The following TMOD3 variants were observed in gnomAD, a reference collection of about 807,000 sequenced individuals.
TMOD3 encodes the protein tropomodulin 3.
A neutral mutation model predicts 39.2 loss-of-function variants in TMOD3; 20 were observed. That is an observed-to-expected ratio of 0.51 (90% CI 0.36 to 0.74). The LOEUF is 0.74. TMOD3 is among the 30% of genes least tolerant of loss of function. The pLI is 0.00. For synonymous variants in TMOD3, 143 were observed against 145.8 expected (o/e 0.98, Z 0.14); for missense variants, 381 against 412.8 (o/e 0.92, Z 0.67).
chr15:51,889,581 C>T (rs1050217554), intron 5 of TMOD3, among the ~76,000 whole-genome samples: 5 of 152,138 alleles, frequency 3.3e-5, no homozygotes, highest in Admixed American at 1.3e-4. Context: ...TTCAGAAACT[C>T]ATTTATAGGG....
intron 1 of TMOD3, among the ~76,000 whole-genome samples, chr15:51,850,455 G>C (rs1206224071): frequency 2.6e-5 from 4 of 152,094 alleles, no homozygotes; most frequent in African/African-American, 9.7e-5. Context: ...TTTTATGATT[G>C]CTTCTATATT....
At chr15:51,834,279 A>C (rs571571458) in intron 1 of TMOD3, among the ~76,000 whole-genome samples, 1 of 152,016 alleles carries the variant, frequency 6.6e-6, no homozygotes, top group Admixed American at 6.6e-5. Flanking sequence ...AGAAATTTTT[A>C]ATTTTTATAA....
chr15:51,858,555 TGTTC>T (rs1358698318), intron 1 of TMOD3, among the ~76,000 whole-genome samples: 1 of 152,214 alleles, frequency 6.6e-6, no homozygotes, highest in African/African-American at 2.4e-5. Flanking sequence ...AAGCAAATTC[TGTTC>T]ATTTGCTTGT....
At chr15:51,871,230 G>T (rs1049228398) in intron 3 of TMOD3, among the ~76,000 whole-genome samples, 1 of 152,192 alleles carries the variant, frequency 6.6e-6, no homozygotes, top group African/African-American at 2.4e-5. Context: ...GCAGAGTTTT[G>T]AAGTGTGGAG....
intron 1 of TMOD3, among the ~76,000 whole-genome samples, chr15:51,835,506 A>G (rs2056278394): frequency 6.6e-6 from 1 of 152,242 alleles, no homozygotes; most frequent in Non-Finnish European, 1.5e-5. Flanking sequence ...ATGGAGTTTC[A>G]TCATGTTTCC....
At chr15:51,840,741 A>G (rs2056309180) in intron 1 of TMOD3, among the ~76,000 whole-genome samples, 2 of 152,184 alleles carry the variant, frequency 1.3e-5, no homozygotes, top group Admixed American at 1.3e-4. Context: ...ATTTTTTTGC[A>G]TCATTTATTG....
At chr15:51,845,784 G>C (rs1039404716) in intron 1 of TMOD3, among the ~76,000 whole-genome samples, 2 of 151,926 alleles carry the variant, frequency 1.3e-5, no homozygotes, top group Middle Eastern at 3.4e-3. Flanking sequence ...GTTTCCTCTG[G>C]GTTTTGTTTG....
At chr15:51,853,123 GAATTTT>G (rs1166642569) in intron 1 of TMOD3, among the ~76,000 whole-genome samples, 1 of 152,204 alleles carries the variant, frequency 6.6e-6, no homozygotes, top group African/African-American at 2.4e-5. Flanking sequence ...ATGAATAGCT[GAATTTT>G]AATTAGAAGA....
intron 1 of TMOD3, among the ~76,000 whole-genome samples, chr15:51,852,103 G>A (rs1329008452): frequency 6.6e-6 from 1 of 152,178 alleles, no homozygotes; most frequent in African/African-American, 2.4e-5. Context: ...AAATAGGGCA[G>A]GGAGCTTGTC....
intron 4 of TMOD3, 69 bp downstream of exon 4, chr15:51,887,780 T>C: frequency 6.4e-7 from 1 of 1,565,846 alleles, no homozygotes; most frequent in South Asian, 1.2e-5. Context: ...CACATACCTA[T>C]ATACATTATA....
chr15:51,896,063 G>A (rs2056618996), intron 6 of TMOD3, among the ~76,000 whole-genome samples: 1 of 152,244 alleles, frequency 6.6e-6, no homozygotes, highest in South Asian at 2.1e-4. Context: ...AGCTGAGATT[G>A]CGCCGTTGCA....
At chr15:51,837,548 TTTTG>T (rs2056292760) in intron 1 of TMOD3, among the ~76,000 whole-genome samples, 1 of 152,060 alleles carries the variant, frequency 6.6e-6, no homozygotes, top group Non-Finnish European at 1.5e-5. Flanking sequence ...CCCACCCCAC[TTTTG>T]TTTTTCTCCT....
intron 8 of TMOD3, 38 bp from the exon 9 acceptor site, chr15:51,901,854 A>G: frequency 1.9e-6 from 3 of 1,592,574 alleles, no homozygotes; most frequent in Non-Finnish European, 2.6e-6. Flanking sequence ...ATTTTGATCT[A>G]GTTTATTAAT....
At chr15:51,893,022 G>A (rs1367844147) in intron 5 of TMOD3, among the ~76,000 whole-genome samples, 1 of 151,950 alleles carries the variant, frequency 6.6e-6, no homozygotes. Flanking sequence ...AAGGCCAAGC[G>A]CAGTGGCTCC....
At chr15:51,866,650 A>G (rs189304559) in intron 2 of TMOD3, among the ~76,000 whole-genome samples, 225 of 152,328 alleles carry the variant, frequency 1.5e-3, no homozygotes, top group African/African-American at 5.3e-3. Context: ...ATAGCAATAT[A>G]TACATCTATG....
At chr15:51,835,020 G>A (rs767800261) in intron 1 of TMOD3, 1 of 152,162 alleles carries the variant, frequency 6.6e-6, no homozygotes, top group African/African-American at 2.4e-5. Context: ...GATTGATCCA[G>A]GGCTAGTTAC....
At chr15:51,866,091 A>G (rs1011921055) in intron 2 of TMOD3, among the ~76,000 whole-genome samples, 5 of 152,184 alleles carry the variant, frequency 3.3e-5, no homozygotes, top group African/African-American at 9.7e-5. Flanking sequence ...TGATTAGAAC[A>G]TATTTCTAAT....
At chr15:51,863,422 G>C (rs892830461) in intron 2 of TMOD3, among the ~76,000 whole-genome samples, 1 of 152,176 alleles carries the variant, frequency 6.6e-6, no homozygotes, top group African/African-American at 2.4e-5. Flanking sequence ...AAATCTAATT[G>C]TTCCCTTTCT....
At chr15:51,906,414 CTCAT>C (rs1255031680) in intron 9 of TMOD3, among the ~76,000 whole-genome samples, 2 of 152,172 alleles carry the variant, frequency 1.3e-5, no homozygotes, top group Non-Finnish European at 2.9e-5. Flanking sequence ...CGTTCCCTCT[CTCAT>C]TGTTTTCTTA....
Sources: gnomAD v4.1 joint callset for allele counts (sites outside exome capture counted in the v4.1 genomes callset) on GRCh38, gnomAD v4.1.1 for gene constraint, MANE v1.5 for transcripts, NCBI Gene and HGNC (gene_info 2026-07-23, HGNC 2026-07-21) for gene names.